Variants in LRP5 observed in about 807,000 individuals in gnomAD.
LRP5 encodes low-density lipoprotein receptor-related protein 5.
A neutral mutation model predicts 154.1 loss-of-function variants in LRP5; 62 were observed. The ratio of observed to expected loss-of-function variants is 0.40; its 90% confidence interval spans 0.33 to 0.50. LRP5 has a LOEUF of 0.50. Among genes scored for constraint, LRP5 ranks in the 20% least tolerant of loss-of-function variants. The pLI, the probability that LRP5 is intolerant of heterozygous loss-of-function variation, is 0.55. For synonymous variants in LRP5, 966 were observed against 1,011.5 expected, an observed-to-expected ratio of 0.96 and a Z score of 0.85; for missense variants, 1,915 against 2,336.7, an observed-to-expected ratio of 0.82 and a Z score of 3.72.
chr11:68,372,830 G>A (rs908557249), intron 5 of LRP5, among the ~76,000 whole-genome samples: 30 of 152,236 alleles, frequency 2.0e-4, no homozygotes, highest in African/African-American at 7.2e-4. Context: ...GCCAGCGGGT[G>A]ACCTGGGGAG....
intron 13 of LRP5, among the ~76,000 whole-genome samples, chr11:68,421,474 G>A (rs2098665587): frequency 6.6e-6 from 1 of 152,172 alleles, no homozygotes; most frequent in African/African-American, 2.4e-5. Context: ...GGCCAGGGTA[G>A]CTGGAATCTT....
At position 68,413,714 on chromosome 11, in the gene LRP5, C is replaced by G. The variant is rs143204891; in HGVS notation, c.2529C>G (p.Asp843Glu). Residue 843 changes from aspartate (D) to glutamate (E), a missense_variant, in exon 12 of 23, where the codon GAC (aspartate) becomes GAG (glutamate). Coordinates refer to ENST00000294304, the MANE Select transcript of LRP5 (RefSeq NM_002335.4). This position sits in a 1 kb window ranked among gnomAD's most constrained non-coding sequence, Gnocchi z 5.1. ...GTCAGGAGCGGGTCGTGATTGCCGA[C>G]GATCTCCCGCACCCGTTCGGTCTGA... ...MLGQERVVIADDLPHPFGLTQ... is the reference protein window; with the variant it reads ...MLGQERVVIAEDLPHPFGLTQ... 1.6e-5 allele frequency: 26 copies of G among 1,613,666 alleles called. No homozygotes were observed. Among genetic ancestry groups the G allele is most frequent in the Admixed American group, 5.0e-5 (3 of 60,006 alleles).
rs371615673 is a variant in LRP5 at position 68,406,646 on chromosome 11, G to A, written c.1924G>A (p.Val642Met). ...ELLSDMKTCIVPEAFLVFTSR... is the reference protein window; with the variant it reads ...ELLSDMKTCIMPEAFLVFTSR... The stretch of plus-strand genomic sequence containing the variant: ...GCTGAGTGACATGAAGACCTGCATC[G>A]TGCCTGAGGCCTTCTTGGTCTTCAC... Residue 642 changes from valine (V) to methionine (M), a missense_variant, in exon 9 of 23, where the codon GTG (valine) becomes ATG (methionine). Physicochemically the swap from Val to Met is conservative, Grantham distance 21 (BLOSUM62 1). Coordinates refer to ENST00000294304, the MANE Select transcript of LRP5 (RefSeq NM_002335.4). The A allele has an allele frequency of 5.0e-6, 8 of 1,614,124 alleles. No individual in the cohort carries two copies. The highest frequency in any genetic ancestry group is 1.6e-4 in the Middle Eastern group (1 of 6,062).
At chr11:68,419,958 G>C (rs1368486717) in intron 13 of LRP5, among the ~76,000 whole-genome samples, 2 of 151,442 alleles carry the variant, frequency 1.3e-5, no homozygotes, top group Non-Finnish European at 2.9e-5. Flanking sequence ...TCCACACCTG[G>C]CTAACTGTAT....
intron 16 of LRP5, among the ~76,000 whole-genome samples, chr11:68,427,586 G>T (rs2098669481): frequency 6.6e-6 from 1 of 152,046 alleles, no homozygotes; most frequent in South Asian, 2.1e-4. Context: ...AGGCTGAGGT[G>T]GGAGAATTAC....
intron 1 of LRP5, among the ~76,000 whole-genome samples, chr11:68,325,110 C>T (rs979656373): frequency 6.6e-6 from 1 of 152,222 alleles, no homozygotes; most frequent in African/African-American, 2.4e-5. Context: ...CCCCCCACCC[C>T]TGGAGCCCCT....
chr11:68,382,048 G>T (rs1354602486), intron 5 of LRP5, among the ~76,000 whole-genome samples: 1 of 152,222 alleles, frequency 6.6e-6, no homozygotes. Flanking sequence ...AGGCAAATGG[G>T]TTGGATCCTG....
rs1232393510 is a variant in LRP5, at chr11:68,353,116, A to G, written c.489-4534A>G. Among the ~76,000 whole-genome samples, 3 of 152,112 alleles carry G rather than the reference A, an allele frequency of 2.0e-5. No individual in the cohort carries two copies. Among genetic ancestry groups the G allele is most frequent in the Non-Finnish European group, 4.4e-5 (3 of 68,004 alleles). Reference sequence around the variant, plus strand: ...TTGCCTGCATCATCTCTGCGAGCCAACTGTCCCTGTTTGGCTCTGGCTTTT... The same window carrying G: ...TTGCCTGCATCATCTCTGCGAGCCAGCTGTCCCTGTTTGGCTCTGGCTTTT... On this transcript the variant is annotated intron_variant, in intron 2 of 22. Transcript: ENST00000294304. The surrounding 1 kb of genome is among the most constrained non-coding windows in gnomAD (Gnocchi z 4.5).
At position 68,312,695 on chromosome 11, in the gene LRP5, C is replaced by G. The variant is rs2098589148; in HGVS notation, c.-20C>G. ...GAGCCCGAGTGAGCGCGGCGCGGGC[C>G]CGTCCGGCCGCCGGACAACATGGAG... On this transcript the variant is annotated 5_prime_UTR_variant, in exon 1 of 23. Coordinates refer to ENST00000294304, the MANE Select transcript of LRP5 (RefSeq NM_002335.4). 2.0e-6 allele frequency: 2 copies of G among 995,374 alleles called. No individual in the cohort carries two copies. Among genetic ancestry groups the G allele is most frequent in the South Asian group, 8.3e-5 (2 of 24,094 alleles). 61.7% of individuals were successfully genotyped at this position (995,374 alleles called of 1,614,324 possible).
chr11:68,395,493 G>C (rs2098648787), intron 7 of LRP5, among the ~76,000 whole-genome samples: 1 of 152,028 alleles, frequency 6.6e-6, no homozygotes, highest in South Asian at 2.1e-4. Flanking sequence ...GATGGCGCAG[G>C]GCACGGGTGT....
chr11:68,339,889 T>C (rs889881194), intron 1 of LRP5, among the ~76,000 whole-genome samples: 11 of 152,184 alleles, frequency 7.2e-5, no homozygotes, highest in African/African-American at 2.4e-4. Context: ...GATCATTCTA[T>C]GTGTAACTTT....
In LRP5 at chr11:68,411,291, C is replaced by T. The variant is rs533377708; in HGVS notation, c.2319-145C>T. The T allele has an allele frequency of 1.4e-4, 110 of 810,498 alleles. No individual in the cohort carries two copies. The South Asian group carries it at 1.4e-3, about 11-fold the overall frequency. The allele number at this position is 810,498 out of a possible 1,614,324, so 50.2% of individuals were successfully genotyped here. On this transcript the variant is annotated intron_variant, in intron 10 of 22. Coordinates refer to ENST00000294304, the MANE Select transcript of LRP5 (RefSeq NM_002335.4). ...TGTGTGGCAGGGGTCGAGGGTCTCGCCCTTCCCTGCTTCCTGCGCGTGGCT... is the reference window on the plus strand; with the variant it reads ...TGTGTGGCAGGGGTCGAGGGTCTCGTCCTTCCCTGCTTCCTGCGCGTGGCT...
At chr11:68,421,735 G>T (rs11825271) in intron 13 of LRP5, among the ~76,000 whole-genome samples, 2 of 146,970 alleles carry the variant, frequency 1.4e-5, no homozygotes, top group East Asian at 2.0e-4. Context: ...GTGTGTGTGT[G>T]GTGTGTGTGT....
chr11:68,446,775 A>C (rs1310630891), intron 22 of LRP5, among the ~76,000 whole-genome samples: 1 of 152,186 alleles, frequency 6.6e-6, no homozygotes, highest in Non-Finnish European at 1.5e-5. Context: ...CTGCTCTTCA[A>C]GTTGCTCCTA....
At chr11:68,444,641 T>C (rs2098680481) in intron 21 of LRP5, among the ~76,000 whole-genome samples, 1 of 137,762 alleles carries the variant, frequency 7.3e-6, no homozygotes, top group African/African-American at 2.8e-5. Flanking sequence ...TCACGGGACA[T>C]CTGAGACATT....
intron 2 of LRP5, among the ~76,000 whole-genome samples, chr11:68,357,284 T>C (rs2098623903): frequency 1.3e-5 from 2 of 148,458 alleles, no homozygotes; most frequent in African/African-American, 2.4e-5. Context: ...CTGAGTGTTT[T>C]GAATTGCCTT....
rs749534290 is a variant in LRP5 at position 68,438,688 on chromosome 11, G to T, written c.4348+6G>T. The T allele has an allele frequency of 1.2e-6, 2 of 1,610,322 alleles. No homozygotes were observed. The highest frequency in any genetic ancestry group is 1.7e-6 in the Non-Finnish European group (2 of 1,179,258). Reference sequence around the variant, plus strand: ...CCAGCATGGCCCCTTCACAGGTAAGGAGCCTGAGATATGGAATGATCTGGA... The same window carrying T: ...CCAGCATGGCCCCTTCACAGGTAAGTAGCCTGAGATATGGAATGATCTGGA... On this transcript the variant is annotated splice_donor_region_variant and intron_variant, in intron 20 of 22. Transcript: ENST00000294304.
At position 68,365,690 on chromosome 11, in the gene LRP5, A is replaced by G. The variant is rs764149976; in HGVS notation, c.1003A>G (p.Thr335Ala). ...TGVQLQDNGR[T>A]CKAGAEEVLL... ...TGTGCAGCTGCAGGACAACGGCAGG[A>G]CGTGTAAGGCAGGTGAGGCGGTGGG... Residue 335 changes from threonine to alanine, a missense_variant, in exon 5 of 23, where the codon ACG becomes GCG. Transcript: ENST00000294304. 1.5e-6 allele frequency: 2 copies of G among 1,316,716 alleles called. No individual in the cohort carries two copies. The highest frequency in any genetic ancestry group is 2.0e-6 in the Non-Finnish European group (2 of 1,004,168). The allele number at this position is 1,316,716 out of a possible 1,614,324, so 81.6% of individuals were successfully genotyped here. A position where few individuals can be genotyped will look rare whatever the true frequency, so the allele number is the denominator to read the frequency against.
chr11:68,385,085 C>T (rs567572411), intron 5 of LRP5, among the ~76,000 whole-genome samples: 38 of 152,328 alleles, frequency 2.5e-4, no homozygotes, highest in East Asian at 9.6e-4. Context: ...GGATTCAACA[C>T]GTGCAAGTCT....
Sources: allele counts gnomAD v4.1 joint callset (sites outside exome capture counted in the v4.1 genomes callset), GRCh38; gene constraint gnomAD v4.1.1; non-coding constraint Gnocchi (gnomAD v3.1); transcripts MANE v1.5; gene names NCBI Gene and HGNC (gene_info 2026-07-23, HGNC 2026-07-21).